MFSD11: variants seen among roughly 807,000 people sequenced by gnomAD.
MFSD11 encodes the protein UNC93-like protein MFSD11.
In MFSD11, 36 loss-of-function variants were observed where a neutral mutation model predicts 53.5. The observed-to-expected ratio is 0.67, with a 90% CI of 0.52 to 0.89. The LOEUF is 0.89. Among genes scored for constraint, MFSD11 ranks in the 40% least tolerant of loss-of-function variants. The pLI, the probability that MFSD11 is intolerant of heterozygous loss-of-function variation, is 0.00. For synonymous variants in MFSD11, 186 were observed against 184.9 expected, an observed-to-expected ratio of 1.01 and a Z score of -0.05; for missense variants, 530 against 543.9, an observed-to-expected ratio of 0.97 and a Z score of 0.25.
the MFSD11 span, among the ~76,000 whole-genome samples, chr17:76,787,363 C>A: frequency 6.7e-6 from 1 of 149,758 alleles, no homozygotes; most frequent in Non-Finnish European, 1.5e-5. Flanking sequence ...TCTTGAACTC[C>A]TGACCTCAGG....
Position 76,744,434 on chromosome 17 carries a change from G to A in MFSD11, c.609G>A (p.Glu203=). 1 of 1,613,084 alleles carries A rather than the reference G, an allele frequency of 6.2e-7. No individual in the cohort carries two copies. The highest frequency in any genetic ancestry group is 8.5e-7 in the Non-Finnish European group (1 of 1,179,424). The change falls in exon 7 of 13, where the codon GAG becomes GAA. Residue 203 remains glutamate (E), a synonymous_variant. Coordinates refer to ENST00000685175, the MANE Select transcript of MFSD11 (RefSeq NM_001242532.5). ...CTGAAAATGTCCTAGGAGAAGATGAGTCTTCTGATGACCAGGACATGGAAG... is the reference window on the plus strand; with the variant it reads ...CTGAAAATGTCCTAGGAGAAGATGAATCTTCTGATGACCAGGACATGGAAG... ...PDSENVLGED[E]SSDDQDMEVN... is the part of the protein sequence containing the mutation.
downstream of MFSD11, among the ~76,000 whole-genome samples, chr17:76,783,919 T>G (rs1482258086): frequency 6.6e-6 from 1 of 152,002 alleles, no homozygotes; most frequent in Non-Finnish European, 1.5e-5. Flanking sequence ...AATAGTCATT[T>G]TTTTTGGATC....
At chr17:76,784,286 A>T (rs1016789102), downstream of MFSD11, among the ~76,000 whole-genome samples, 1 of 152,308 alleles carries the variant, frequency 6.6e-6, no homozygotes, top group East Asian at 1.9e-4. Flanking sequence ...CTGTAATCCC[A>T]GCACTTTGGG....
At chr17:76,742,100 A>T in intron 4 of MFSD11, 52 bp downstream of exon 4, 2 of 1,613,864 alleles carry the variant, frequency 1.2e-6, no homozygotes, top group Non-Finnish European at 1.7e-6. Flanking sequence ...GGCCTATCTA[A>T]GGGTATTATT....
downstream of MFSD11, among the ~76,000 whole-genome samples, chr17:76,785,833 C>A (rs533822599): frequency 6.6e-6 from 1 of 152,012 alleles, no homozygotes; most frequent in South Asian, 2.1e-4. Context: ...AAAATCCCAG[C>A]GCTTTGGGAG....
the MFSD11 span, among the ~76,000 whole-genome samples, chr17:76,795,357 C>T: frequency 2.1e-4 from 30 of 146,328 alleles, no homozygotes; most frequent in Non-Finnish European, 3.4e-4. Context: ...GACGTGGTGG[C>T]GTGAGCCTGT....
the MFSD11 span, among the ~76,000 whole-genome samples, chr17:76,793,431 G>T: frequency 2.0e-5 from 3 of 151,512 alleles, no homozygotes; most frequent in African/African-American, 4.9e-5. Flanking sequence ...CTCACCAGCG[G>T]TCAGAGTTTA....
intron 8 of MFSD11, among the ~76,000 whole-genome samples, chr17:76,765,433 T>C (rs2080742817): frequency 6.6e-6 from 1 of 151,256 alleles, no homozygotes; most frequent in Admixed American, 6.6e-5. Context: ...TTTTGGCTAT[T>C]GTGGGTCCCT....
chr17:76,783,152 CAAA>C (rs753696509), downstream of MFSD11, among the ~76,000 whole-genome samples: 9 of 109,492 alleles, frequency 8.2e-5, no homozygotes, highest in East Asian at 2.6e-4. Context: ...ACTCCAGCTC[CAAA>C]AAAAAAAAAA....
chr17:76,786,055 A>G (rs1257730519), downstream of MFSD11, among the ~76,000 whole-genome samples: 1 of 137,704 alleles, frequency 7.3e-6, no homozygotes, highest in African/African-American at 2.8e-5. Context: ...AGCATAGGCA[A>G]CAGAGCAAGA....
intron 7 of MFSD11, among the ~76,000 whole-genome samples, chr17:76,746,042 C>G (rs1213908744): frequency 6.6e-6 from 1 of 152,274 alleles, no homozygotes; most frequent in Admixed American, 6.5e-5. Flanking sequence ...AGCTATGCCT[C>G]TTGTGCCAAA....
chr17:76,760,572 C>A (rs1269302333), intron 8 of MFSD11, among the ~76,000 whole-genome samples: 1 of 151,804 alleles, frequency 6.6e-6, no homozygotes, highest in Non-Finnish European at 1.5e-5. Flanking sequence ...CTCTTGTCAC[C>A]CAGGCTGGAG....
chr17:76,796,242 A>C, the MFSD11 span, among the ~76,000 whole-genome samples: 3 of 152,224 alleles, frequency 2.0e-5, no homozygotes, highest in African/African-American at 7.2e-5. Flanking sequence ...GACCTGGCAT[A>C]AGTCCCACCT....
chr17:76,753,964 G>A (rs1249079238), intron 7 of MFSD11, 83 bp from the exon 8 acceptor site: 11 of 1,200,142 alleles, frequency 9.2e-6, no homozygotes, highest in Middle Eastern at 2.5e-4. Context: ...GGGTTTTTAC[G>A]AACGTAAATG....
downstream of MFSD11, among the ~76,000 whole-genome samples, chr17:76,785,799 G>A (rs1048578214): frequency 1.5e-4 from 23 of 152,148 alleles, no homozygotes; most frequent in South Asian, 4.8e-3. Flanking sequence ...CACAATTAAT[G>A]GCTAGGCATG....
At chr17:76,802,827 G>A in the MFSD11 span, among the ~76,000 whole-genome samples, 1 of 152,142 alleles carries the variant, frequency 6.6e-6, no homozygotes, top group Non-Finnish European at 1.5e-5. Context: ...CTTGGGGTCA[G>A]CACCTACCCC....
chr17:76,741,178 T>G (rs758148097), intron 3 of MFSD11, 114 bp downstream of exon 3: 1 of 719,468 alleles, frequency 1.4e-6, no homozygotes, highest in East Asian at 2.6e-5. Context: ...ATAGGTGGTA[T>G]TTTACGAATT....
intron 6 of MFSD11, 151 bp downstream of exon 6, chr17:76,743,607 C>G: frequency 2.2e-6 from 1 of 454,702 alleles, no homozygotes; most frequent in Non-Finnish European, 3.9e-6. Flanking sequence ...AAGACTTTTC[C>G]TTGGTTTATA....
intron 8 of MFSD11, among the ~76,000 whole-genome samples, chr17:76,763,217 G>C (rs539687602): frequency 6.6e-6 from 1 of 152,040 alleles, no homozygotes; most frequent in South Asian, 2.1e-4. Flanking sequence ...AGCAGAGGAT[G>C]AGTTTGTCAG....
Sources: allele counts gnomAD v4.1 joint callset (sites outside exome capture counted in the v4.1 genomes callset), GRCh38; gene constraint gnomAD v4.1.1; transcripts MANE v1.5; gene names NCBI Gene and HGNC (gene_info 2026-07-23, HGNC 2026-07-21).